NRCAM: variants seen among roughly 807,000 people sequenced by gnomAD.
NRCAM encodes the protein neuronal cell adhesion molecule.
In NRCAM, 83 loss-of-function variants were observed where a neutral mutation model predicts 156.5. That is an observed-to-expected ratio of 0.53 (90% CI 0.44 to 0.64). The LOEUF (loss-of-function observed/expected upper bound fraction) is 0.64, where lower values mean the gene tolerates loss of function less well. NRCAM is among the 30% of genes least tolerant of loss of function. The probability of loss-of-function intolerance (pLI) is 0.00; values close to 1 mark genes in which losing one functional copy is unlikely to be tolerated. For missense variants in NRCAM, 1,417 were observed against 1,597.3 expected (o/e 0.89, Z 1.92); for synonymous variants, 538 against 563.9 (o/e 0.95, Z 0.65).
In NRCAM at chr7:108,304,442, A is replaced by G. The variant is rs977120566; in HGVS notation, c.-107+8223T>C. 2.0e-5 allele frequency among the ~76,000 whole-genome samples: 3 copies of G among 151,476 alleles called. No individual in the cohort carries two copies. In the East Asian group the frequency reaches 5.8e-4, roughly 29 times the overall value. On this transcript the variant is annotated intron_variant, in intron 3 of 32. Coordinates refer to ENST00000379028, the MANE Select transcript of NRCAM (RefSeq NM_001037132.4). ...GTATATGAACAGTCAATTTATACAT[A>G]TACATCTGAATGAGTGTGATTCCCT... is the stretch of plus-strand genomic sequence containing the variant.
At chr7:108,338,330 T>A (rs555427788) in intron 2 of NRCAM, among the ~76,000 whole-genome samples, 1 of 152,202 alleles carries the variant, frequency 6.6e-6, no homozygotes, top group African/African-American at 2.4e-5. Context: ...TAGGTGCTAA[T>A]GGTTCAGACT....
chr7:108,152,579 T>G lies in NRCAM; in HGVS notation c.3678-2432A>C, dbSNP rs999177693. Among the ~76,000 whole-genome samples, 6 of 152,096 alleles carry G rather than the reference T, an allele frequency of 3.9e-5. No individual in the cohort carries two copies. The East Asian group carries it at 1.2e-3, about 29-fold the overall frequency. ...AAGTGACATGCTCTGACTTATATTT[T>G]AAAAGCACTACTCTGCCATCAGTGT... On this transcript the variant is annotated intron_variant, in intron 32 of 32. Transcript: ENST00000379028.
chr7:108,250,574 C>A (rs2096279600), intron 3 of NRCAM, among the ~76,000 whole-genome samples: 2 of 150,178 alleles, frequency 1.3e-5, no homozygotes, highest in Admixed American at 1.3e-4. Flanking sequence ...GGAGGTAGAG[C>A]AGAAGAATGG....
At chr7:108,385,289 C>T (rs1563552068) in intron 2 of NRCAM, among the ~76,000 whole-genome samples, 1 of 152,130 alleles carries the variant, frequency 6.6e-6, no homozygotes, top group Admixed American at 6.6e-5. Flanking sequence ...CTCTAGGAGG[C>T]GATCATAACA....
Position 108,399,418 on chromosome 7 carries a change from G to T in NRCAM, c.-174+18C>A, listed in dbSNP as rs1450503348. 6.6e-6 allele frequency: 1 copy of T among 152,170 alleles called. No homozygotes were observed. The highest frequency in any genetic ancestry group is 2.4e-5 in the African/African-American group (1 of 41,448). The allele number at this position is 152,170 out of a possible 1,614,324, so 9.4% of individuals were successfully genotyped here. On this transcript the variant is annotated intron_variant, in intron 2 of 32. Transcript: ENST00000379028. ...ATTCAGTCTTGTAAAGACAAAGAGA[G>T]AACTAATTCACTCTCACCTTCAGAA...
intron 2 of NRCAM, among the ~76,000 whole-genome samples, chr7:108,361,445 T>G (rs2099550151): frequency 6.6e-6 from 1 of 152,204 alleles, no homozygotes; most frequent in South Asian, 2.1e-4. Flanking sequence ...TGTGGCAGGC[T>G]TCATCAATCA....
At chr7:108,444,299 C>T (rs546164762) in intron 1 of NRCAM, among the ~76,000 whole-genome samples, 2 of 151,994 alleles carry the variant, frequency 1.3e-5, no homozygotes, top group Admixed American at 1.3e-4. Flanking sequence ...GAGAACCAAT[C>T]TTCCTTGGAT....
At chr7:108,222,542 T>C (rs536209298) in intron 11 of NRCAM, among the ~76,000 whole-genome samples, 36 of 152,240 alleles carry the variant, frequency 2.4e-4, no homozygotes, top group African/African-American at 8.7e-4. Flanking sequence ...CGATGGAAAC[T>C]GGGAGGATTT....
In NRCAM at chr7:108,189,659, T is replaced by A; in HGVS notation, c.2021A>T (p.Asn674Ile). 7.1e-7 allele frequency: 1 copy of A among 1,401,548 alleles called. No homozygotes were observed. Among genetic ancestry groups the A allele is most frequent in the African/African-American group, 1.4e-5 (1 of 70,776 alleles). The allele number at this position is 1,401,548 out of a possible 1,614,324, so 86.8% of individuals were successfully genotyped here. ...QLSWTPGDDN[N>I]SPITKFIIEY... ...ATACCACATACTTGTAATGGGGCTA[T>A]TGTTGTCATCGCCTGGGGTCCATGA... The change falls in exon 20 of 33, where the codon AAT (asparagine) becomes ATT (isoleucine). Residue 674 changes from asparagine to isoleucine, a missense_variant. Transcript: ENST00000379028.
At chr7:108,348,753 A>C (rs2099388555) in intron 2 of NRCAM, among the ~76,000 whole-genome samples, 4 of 151,978 alleles carry the variant, frequency 2.6e-5, no homozygotes, top group Admixed American at 2.6e-4. Context: ...ATCTCCACTA[A>C]AAATACAAAA....
chr7:108,431,219 C>A (rs1046486167), intron 1 of NRCAM, among the ~76,000 whole-genome samples: 2 of 152,138 alleles, frequency 1.3e-5, no homozygotes, highest in Non-Finnish European at 2.9e-5. Flanking sequence ...TATTTCATGG[C>A]AGACTGATCT....
chr7:108,162,831 G>T (rs2050087829), intron 30 of NRCAM, among the ~76,000 whole-genome samples: 1 of 152,176 alleles, frequency 6.6e-6, no homozygotes. Flanking sequence ...ACCAGAAATT[G>T]ATATAAAACA....
chr7:108,184,262 A>G lies in NRCAM; in HGVS notation c.2283T>C (p.Asp761=). ...TAVEGLGSEP[D]NLVITWKPLN... Reference sequence around the variant, plus strand: ...TCACCTTCCACGTAATCACCAAATTATCAGGCTCTGATCCCAGTCCTTCCA... The same window carrying G: ...TCACCTTCCACGTAATCACCAAATTGTCAGGCTCTGATCCCAGTCCTTCCA... Residue 761 remains aspartate, a synonymous_variant, in exon 22 of 33, where the codon GAT becomes GAC. Transcript: ENST00000379028. 1 of 1,614,160 alleles carries G rather than the reference A, an allele frequency of 6.2e-7. No homozygotes were observed. Among genetic ancestry groups the G allele is most frequent in the Non-Finnish European group, 8.5e-7 (1 of 1,179,990 alleles).
chr7:108,384,109 T>G (rs1196657866), intron 2 of NRCAM, among the ~76,000 whole-genome samples: 1 of 151,086 alleles, frequency 6.6e-6, no homozygotes, highest in East Asian at 1.9e-4. Flanking sequence ...TCTGGGAGGG[T>G]GGGAGGAAGA....
At chr7:108,281,461 C>G (rs1044490788) in intron 3 of NRCAM, among the ~76,000 whole-genome samples, 2 of 152,096 alleles carry the variant, frequency 1.3e-5, no homozygotes, top group African/African-American at 4.8e-5. Flanking sequence ...GAAGGCATGA[C>G]GTGCTATGAG....
intron 3 of NRCAM, among the ~76,000 whole-genome samples, chr7:108,264,491 A>C (rs756822932): frequency 1.3e-5 from 2 of 152,244 alleles, no homozygotes; most frequent in Admixed American, 6.5e-5. Flanking sequence ...AACACAGATT[A>C]TTCTTCTACC....
At chr7:108,220,823 G>T (rs1472245758) in intron 11 of NRCAM, among the ~76,000 whole-genome samples, 1 of 152,134 alleles carries the variant, frequency 6.6e-6, no homozygotes, top group Non-Finnish European at 1.5e-5. Context: ...GAAAGCAAAT[G>T]CAATAAAAAC....
intron 3 of NRCAM, among the ~76,000 whole-genome samples, chr7:108,309,224 C>T (rs966602001): frequency 6.6e-6 from 1 of 152,152 alleles, no homozygotes; most frequent in African/African-American, 2.4e-5. Flanking sequence ...TGTGCCTTGC[C>T]TTCATGCTAT....
chr7:108,234,255 T>C (rs2094653107), intron 6 of NRCAM, among the ~76,000 whole-genome samples: 1 of 152,140 alleles, frequency 6.6e-6, no homozygotes, highest in African/African-American at 2.4e-5. Context: ...CAGAAAAGCA[T>C]GGGCACAGAA....
Sources: allele counts gnomAD v4.1 joint callset (sites outside exome capture counted in the v4.1 genomes callset), GRCh38; gene constraint gnomAD v4.1.1; transcripts MANE v1.5; gene names NCBI Gene and HGNC (gene_info 2026-07-23, HGNC 2026-07-21).